Variants in STXBP5L observed in about 807,000 individuals in gnomAD.
STXBP5L encodes the protein syntaxin-binding protein 5-like.
STXBP5L carries 65 observed loss-of-function variants against 144.5 expected under a neutral mutation model. That is an observed-to-expected ratio of 0.45 (90% CI 0.37 to 0.55). The LOEUF (loss-of-function observed/expected upper bound fraction) is 0.55, where lower values mean the gene tolerates loss of function less well. Ranked by LOEUF, STXBP5L falls within the 20% of genes least tolerant of loss-of-function variation. The probability of loss-of-function intolerance (pLI) is 0.00; values close to 1 mark genes in which losing one functional copy is unlikely to be tolerated. For synonymous variants in STXBP5L, 505 were observed against 469.6 expected (o/e 1.08, Z -0.97); for missense variants, 1,298 against 1,405.5 (o/e 0.92, Z 1.22).
In STXBP5L at chr3:121,341,166, A is replaced by G. The variant is rs1241608355; in HGVS notation, c.2176+22626A>G. 2.0e-5 allele frequency among the ~76,000 whole-genome samples: 3 copies of G among 152,188 alleles called. No individual in the cohort carries two copies. The East Asian group carries it at 5.8e-4, about 29-fold the overall frequency. ...AGGAGCTCAAACAACTCTGTAGGAAAAAAGCTAATAGTCTGATTTTAAAAT... is the reference window on the plus strand; with the variant it reads ...AGGAGCTCAAACAACTCTGTAGGAAGAAAGCTAATAGTCTGATTTTAAAAT... On this transcript the variant is annotated intron_variant, in intron 20 of 26. Transcript: ENST00000471454.
At chr3:121,367,315 C>A (rs549447705) in intron 20 of STXBP5L, among the ~76,000 whole-genome samples, 2 of 152,048 alleles carry the variant, frequency 1.3e-5, no homozygotes, top group Non-Finnish European at 1.5e-5. Flanking sequence ...TCTTACAGGG[C>A]GGATCTGGTG....
chr3:121,307,054 C>T (rs2043360760), intron 19 of STXBP5L, among the ~76,000 whole-genome samples: 1 of 152,116 alleles, frequency 6.6e-6, no homozygotes, highest in African/African-American at 2.4e-5. Flanking sequence ...TGACTATATA[C>T]ACTGAATACT....
In STXBP5L at chr3:121,234,889, G is replaced by A. The variant is rs75318504; in HGVS notation, c.1184+1201G>A. On this transcript the variant is annotated intron_variant, in intron 12 of 26. Transcript: ENST00000471454. ...TTCTAATCTCATTGGTACTCAACTC[G>A]TCTTTCTACGTCATATTTGTTGGTT... Among the ~76,000 whole-genome samples, 1,285 of 151,624 alleles carry A rather than the reference G, an allele frequency of 8.5e-3. 19 individuals carry two copies. The highest frequency in any genetic ancestry group is 0.029 in the African/African-American group (1,188 of 41,354).
chr3:121,240,588 T>C, intron 14 of STXBP5L, 81 bp downstream of exon 14: 13 of 1,314,096 alleles, frequency 9.9e-6, no homozygotes, highest in Non-Finnish European at 1.4e-5. Context: ...CATAATTGTG[T>C]TCTATGCAGA....
intron 3 of STXBP5L, among the ~76,000 whole-genome samples, chr3:120,970,526 T>A (rs1258503818): frequency 6.6e-6 from 1 of 152,148 alleles, no homozygotes; most frequent in African/African-American, 2.4e-5. Context: ...GGATTTCTGC[T>A]GAGAAATCTG....
At chr3:121,339,743 G>A (rs2044638680) in intron 20 of STXBP5L, among the ~76,000 whole-genome samples, 1 of 151,886 alleles carries the variant, frequency 6.6e-6, no homozygotes, top group East Asian at 1.9e-4. Context: ...ACACAAATCA[G>A]TAGCTCTGCT....
intron 20 of STXBP5L, among the ~76,000 whole-genome samples, chr3:121,347,755 T>C (rs977050603): frequency 1.3e-5 from 2 of 151,962 alleles, no homozygotes; most frequent in Admixed American, 6.6e-5. Flanking sequence ...TTGGCTCTCT[T>C]TTTGTCTGTT....
chr3:121,227,061 A>G (rs1253379516), intron 11 of STXBP5L, among the ~76,000 whole-genome samples: 2 of 152,094 alleles, frequency 1.3e-5, no homozygotes, highest in African/African-American at 4.8e-5. Flanking sequence ...TTTTTATTTA[A>G]CTTATATAAA....
At chr3:121,261,174 GATAAAAAAACACAT>G (rs2050371316) in intron 18 of STXBP5L, among the ~76,000 whole-genome samples, 1 of 151,982 alleles carries the variant, frequency 6.6e-6, no homozygotes, top group South Asian at 2.1e-4. Context: ...GAATAGATCA[GATAAAAAAACACAT>G]TTCCCTTATA....
chr3:121,138,698 A>G (rs1357365505), intron 7 of STXBP5L, among the ~76,000 whole-genome samples: 3 of 152,110 alleles, frequency 2.0e-5, no homozygotes, highest in African/African-American at 4.8e-5. Flanking sequence ...GGAAAACTGT[A>G]TATGCATATG....
intron 14 of STXBP5L, among the ~76,000 whole-genome samples, chr3:121,242,489 A>T (rs1412251617): frequency 6.6e-6 from 1 of 152,144 alleles, no homozygotes; most frequent in Admixed American, 6.6e-5. Context: ...TGTAATACCT[A>T]AAAAAACTGT....
chr3:121,228,236 A>G (rs576586416), intron 11 of STXBP5L, among the ~76,000 whole-genome samples: 84 of 152,336 alleles, frequency 5.5e-4, no homozygotes, highest in Middle Eastern at 3.4e-3. Context: ...CCCAACAAGG[A>G]CAGCATGAAG....
intron 3 of STXBP5L, among the ~76,000 whole-genome samples, chr3:120,967,608 C>G (rs1359328091): frequency 6.6e-6 from 1 of 152,036 alleles, no homozygotes; most frequent in Non-Finnish European, 1.5e-5. Context: ...TCTTTATACT[C>G]TAATGTTTAT....
chr3:121,020,740 C>T (rs1442506465), intron 3 of STXBP5L, among the ~76,000 whole-genome samples: 1 of 151,862 alleles, frequency 6.6e-6, no homozygotes, highest in Non-Finnish European at 1.5e-5. Context: ...CAAGCCAGCA[C>T]CACAAGAACT....
At chr3:121,034,418 T>A (rs1946608696) in intron 3 of STXBP5L, among the ~76,000 whole-genome samples, 1 of 152,162 alleles carries the variant, frequency 6.6e-6, no homozygotes, top group Non-Finnish European at 1.5e-5. Flanking sequence ...TAACTTAGGA[T>A]AATGGCCTCT....
chr3:120,948,993 T>C (rs591122), intron 2 of STXBP5L, among the ~76,000 whole-genome samples: 100,462 of 151,724 alleles, frequency 0.66, 33,819 homozygotes, highest in Admixed American at 0.72. Context: ...TACTGTTTTC[T>C]ATAGGAGTTG....
At chr3:121,005,690 G>T (rs958194157) in intron 3 of STXBP5L, among the ~76,000 whole-genome samples, 1 of 152,136 alleles carries the variant, frequency 6.6e-6, no homozygotes, top group South Asian at 2.1e-4. Flanking sequence ...TGGGCGTTTA[G>T]TGCTATAAAT....
intron 3 of STXBP5L, among the ~76,000 whole-genome samples, chr3:121,011,727 A>G (rs1944788304): frequency 6.6e-6 from 1 of 150,860 alleles, no homozygotes; most frequent in Non-Finnish European, 1.5e-5. Context: ...CCCCTTTCCC[A>G]TCCAAAGCTG....
intron 9 of STXBP5L, among the ~76,000 whole-genome samples, chr3:121,178,881 A>T (rs1577127579): frequency 6.6e-6 from 1 of 152,254 alleles, no homozygotes; most frequent in East Asian, 1.9e-4. Flanking sequence ...AGAATTAGGG[A>T]AGAGTCACAG....
Sources: allele counts gnomAD v4.1 joint callset (sites outside exome capture counted in the v4.1 genomes callset), GRCh38; gene constraint gnomAD v4.1.1; transcripts MANE v1.5; gene names NCBI Gene and HGNC (gene_info 2026-07-23, HGNC 2026-07-21).